Variants in PDE7A observed in about 807,000 individuals in gnomAD.
PDE7A encodes high affinity 3',5'-cyclic-AMP phosphodiesterase 7A.
Under a neutral mutation model 64.3 loss-of-function variants are expected in PDE7A, and 39 were observed. The ratio of observed to expected loss-of-function variants is 0.61; its 90% confidence interval spans 0.47 to 0.79. The LOEUF (loss-of-function observed/expected upper bound fraction) is 0.79. Ranked by LOEUF, PDE7A falls within the 30% of genes least tolerant of loss-of-function variation. The probability of loss-of-function intolerance (pLI) is 0.00; values close to 1 mark genes in which losing one functional copy is unlikely to be tolerated. For synonymous variants in PDE7A, 203 were observed against 206.8 expected (o/e 0.98, Z 0.16); for missense variants, 470 against 582.8 (o/e 0.81, Z 1.99).
At chr8:65,789,308 G>A (rs1233481715) in intron 1 of PDE7A, among the ~76,000 whole-genome samples, 2 of 152,192 alleles carry the variant, frequency 1.3e-5, no homozygotes, top group African/African-American at 4.8e-5. Context: ...AGTACTAACA[G>A]AGTGCCTTAA....
chr8:65,740,785 C>CA (rs1807390417), intron 5 of PDE7A, among the ~76,000 whole-genome samples: 1 of 152,154 alleles, frequency 6.6e-6, no homozygotes, highest in Non-Finnish European at 1.5e-5. Flanking sequence ...ATCCCCACCC[C>CA]ACCCCACCAA....
chr8:65,777,425 TA>T (rs1809292506), intron 3 of PDE7A, among the ~76,000 whole-genome samples: 1 of 152,198 alleles, frequency 6.6e-6, no homozygotes, highest in African/African-American at 2.4e-5. Flanking sequence ...TTTTCACTGT[TA>T]AACCAATCTT....
chr8:65,719,212 T>C lies in PDE7A; in HGVS notation c.*78A>G. The C allele has an allele frequency of 1.1e-6, 1 of 943,494 alleles. No homozygotes were observed. Among genetic ancestry groups the C allele is most frequent in the Non-Finnish European group, 1.7e-6 (1 of 579,326 alleles). 58.4% of individuals were successfully genotyped at this position (943,494 alleles called of 1,614,324 possible). On this transcript the variant is annotated 3_prime_UTR_variant, in exon 13 of 13. Coordinates refer to ENST00000401827, the MANE Select transcript of PDE7A (RefSeq NM_001242318.3). Reference sequence around the variant, plus strand: ...CTTGGAAACCTTGGCAGTCAAGAGTTAAGTTCTCTCACCTCAAGACCCCAT... The same window carrying C: ...CTTGGAAACCTTGGCAGTCAAGAGTCAAGTTCTCTCACCTCAAGACCCCAT...
chr8:65,841,967 GC>G lies in PDE7A; in HGVS notation c.-460del, dbSNP rs1811106619. 1 of 200,970 alleles carries G rather than the reference GC, an allele frequency of 5.0e-6. No individual in the cohort carries two copies. The highest frequency in any genetic ancestry group is 6.1e-5 in the African/African-American group (1 of 16,514). The allele number at this position is 200,970 out of a possible 1,614,324, so 12.4% of individuals were successfully genotyped here. ...TCAGGAGCAGCGACCAGCTCGGGCC[GC>G]CGCCGCCGCCGCCGCCGCCGCCGCC... On this transcript the variant is annotated 5_prime_UTR_variant, in exon 1 of 13. Transcript: ENST00000401827.
intron 3 of PDE7A, 128 bp downstream of exon 3, chr8:65,779,592 T>G: frequency 1.8e-6 from 1 of 549,908 alleles, no homozygotes; most frequent in Non-Finnish European, 3.2e-6. Flanking sequence ...TTACATGACC[T>G]AGGTTTTAAA....
chr8:65,736,975 CA>C (rs756987916), intron 6 of PDE7A, among the ~76,000 whole-genome samples: 3 of 149,698 alleles, frequency 2.0e-5, no homozygotes, highest in Non-Finnish European at 3.0e-5. Flanking sequence ...CTCCACCTCC[CA>C]GGTTCAAGTG....
intron 1 of PDE7A, among the ~76,000 whole-genome samples, chr8:65,811,282 C>G (rs1403329007): frequency 6.6e-6 from 1 of 152,136 alleles, no homozygotes; most frequent in Admixed American, 6.5e-5. Context: ...CACCCAGGGG[C>G]TAGCAATAGT....
At chr8:65,732,924 G>C (rs569657207) in intron 7 of PDE7A, among the ~76,000 whole-genome samples, 34 of 152,010 alleles carry the variant, frequency 2.2e-4, no homozygotes, top group African/African-American at 7.5e-4. Flanking sequence ...TGACCAGGCT[G>C]GTCTCAAACT....
At chr8:65,740,737 C>A (rs77720062) in intron 5 of PDE7A, among the ~76,000 whole-genome samples, 17,084 of 152,122 alleles carry the variant, frequency 0.11, 2,265 homozygotes, top group African/African-American at 0.32. Context: ...TCCATCCACA[C>A]CTCCTCAGAG....
At chr8:65,796,298 A>C (rs1474093441) in intron 1 of PDE7A, among the ~76,000 whole-genome samples, 1 of 152,110 alleles carries the variant, frequency 6.6e-6, no homozygotes, top group Non-Finnish European at 1.5e-5. Flanking sequence ...ATGTCAAAGC[A>C]GGTTAAACGA....
Position 65,803,476 on chromosome 8 carries a change from CATTT to C in PDE7A, c.139-20637_139-20634del, listed in dbSNP as rs757386443. ...TCAGCTGCATCAGTAATCAGGTGTGCATTTAACAATGTTAAACCAGTCAGAAATT... is the reference window on the plus strand; with the variant it reads ...TCAGCTGCATCAGTAATCAGGTGTGCAACAATGTTAAACCAGTCAGAAATT... On this transcript the variant is annotated intron_variant, in intron 1 of 12. Transcript: ENST00000401827. 2.0e-5 allele frequency among the ~76,000 whole-genome samples: 3 copies of C among 152,306 alleles called. No individual in the cohort carries two copies. The East Asian group carries it at 5.8e-4, about 29-fold the overall frequency.
At chr8:65,727,031 CA>C (rs1214030371) in intron 8 of PDE7A, 65 bp from the exon 9 acceptor site, 1 of 1,016,030 alleles carries the variant, frequency 9.8e-7, no homozygotes, top group African/African-American at 1.6e-5. Context: ...TCATTACTAA[CA>C]ATACTGTTAG....
chr8:65,719,312 G>A lies in PDE7A; in HGVS notation c.1427C>T (p.Pro476Leu), dbSNP rs756389915. 4.3e-6 allele frequency: 7 copies of A among 1,613,616 alleles called. No homozygotes were observed. In the Admixed American group the frequency reaches 8.3e-5, roughly 19 times the overall value. Residue 476 changes from proline to leucine, a missense_variant, in exon 13 of 13, where the codon CCT (proline) becomes CTT (leucine). By Grantham distance (98) the Pro-to-Leu change is moderately conservative (BLOSUM62 -3). Coordinates refer to ENST00000401827, the MANE Select transcript of PDE7A (RefSeq NM_001242318.3). ...AAFELNSQLL[P>L]QENRLS ...GGGTTATGATAACCGATTTTCCTGA[G>A]GTAATAACTGTGAGTTCAACTCAAA...
chr8:65,796,692 C>T (rs1809853041), intron 1 of PDE7A, among the ~76,000 whole-genome samples: 1 of 151,982 alleles, frequency 6.6e-6, no homozygotes, highest in African/African-American at 2.4e-5. Context: ...AAGAAAACTT[C>T]TTCACCATAT....
Position 65,739,554 on chromosome 8 carries a change from A to G in PDE7A, c.543T>C (p.His181=). The G allele has an allele frequency of 6.4e-7, 1 of 1,565,010 alleles. No homozygotes were observed. The highest frequency in any genetic ancestry group is 1.3e-5 in the South Asian group (1 of 80,000). Reference sequence around the variant, plus strand: ...CTAAATGGAAGTACTCAATTAATCCATGAAGACTAAATAAATGAAAGGTTA... The same window carrying G: ...CTAAATGGAAGTACTCAATTAATCCGTGAAGACTAAATAAATGAAAGGTTA... The part of the protein sequence containing the change: ...VSLTFHLFSL[H]GLIEYFHLDM... Residue 181 remains histidine, a synonymous_variant, in exon 6 of 13, where the codon CAT becomes CAC. Transcript: ENST00000401827.
At chr8:65,816,431 G>A (rs1386184203) in intron 1 of PDE7A, among the ~76,000 whole-genome samples, 1 of 152,156 alleles carries the variant, frequency 6.6e-6, no homozygotes, top group African/African-American at 2.4e-5. Context: ...CCTACATATT[G>A]ACATTTCCAG....
In PDE7A at chr8:65,815,532, TTAAC is replaced by T. The variant is rs201995567; in HGVS notation, c.138+25835_138+25838del. Reference sequence around the variant, plus strand: ...AATATCTGTGCTCACTGAAGCAACTTTAACTGTTTTAAAACTTTTCCTAAGAAAA... The same window carrying T: ...AATATCTGTGCTCACTGAAGCAACTTTGTTTTAAAACTTTTCCTAAGAAAA... On this transcript the variant is annotated intron_variant, in intron 1 of 12. Transcript: ENST00000401827. 5.9e-3 allele frequency among the ~76,000 whole-genome samples: 893 copies of T among 152,298 alleles called. 9 individuals are homozygous for T. The highest frequency in any genetic ancestry group is 0.02 in the African/African-American group (844 of 41,562).
At chr8:65,823,269 G>T (rs1273093718) in intron 1 of PDE7A, among the ~76,000 whole-genome samples, 1 of 152,086 alleles carries the variant, frequency 6.6e-6, no homozygotes, top group East Asian at 1.9e-4. Context: ...CTCCAAAAAT[G>T]AATTTGGAGA....
chr8:65,816,253 TCA>T (rs963929089), intron 1 of PDE7A, among the ~76,000 whole-genome samples: 2 of 152,208 alleles, frequency 1.3e-5, no homozygotes, highest in African/African-American at 2.4e-5. Context: ...AGTATCATTA[TCA>T]CAGTCTATTC....
Sources: allele counts gnomAD v4.1 joint callset (sites outside exome capture counted in the v4.1 genomes callset), GRCh38; gene constraint gnomAD v4.1.1; transcripts MANE v1.5; gene names NCBI Gene and HGNC (gene_info 2026-07-23, HGNC 2026-07-21).